The following OR1J2 variants were observed in gnomAD, a reference collection of about 807,000 sequenced individuals.
The protein encoded by OR1J2 is olfactory receptor 1J2.
For synonymous variants in OR1J2, 142 were observed against 99.7 expected, an observed-to-expected ratio of 1.42 and a Z score of -2.52; for missense variants, 304 against 246.1, an observed-to-expected ratio of 1.24 and a Z score of -1.57.
At chr9:122,563,361 G>A in the OR1J2 span, among the ~76,000 whole-genome samples, 25 of 152,098 alleles carry the variant, frequency 1.6e-4, no homozygotes, top group Non-Finnish European at 3.5e-4. Flanking sequence ...AATGATTAGT[G>A]ATACTGAGCA....
the OR1J2 span, among the ~76,000 whole-genome samples, chr9:122,465,379 A>C: frequency 1.3e-5 from 2 of 152,338 alleles, no homozygotes; most frequent in Non-Finnish European, 2.9e-5. Context: ...TCAAGAGATT[A>C]ATAAGCAGAA....
the OR1J2 span, among the ~76,000 whole-genome samples, chr9:122,454,276 G>A: frequency 6.6e-6 from 1 of 152,192 alleles, no homozygotes; most frequent in Non-Finnish European, 1.5e-5. Context: ...CCAGCACTTT[G>A]GGAGGCCGAG....
rs2119379934 is a variant in OR1J2 at position 122,511,197 on chromosome 9, C to T, written c.396C>T (p.Tyr132=). The T allele has an allele frequency of 1.4e-6, 1 of 734,068 alleles. No individual in the cohort carries two copies. The highest frequency in any genetic ancestry group is 1.5e-5 in the South Asian group (1 of 64,918). The allele number at this position is 734,068 out of a possible 1,614,324, so 45.5% of individuals were successfully genotyped here. The change falls in exon 1 of 1, where the codon TAC becomes TAT. Residue 132 remains tyrosine, a synonymous_variant. Transcript: ENST00000335302. ...TTGCCATATGTCACCCTCTCCACTA[C>T]ACTGTCATCATGAGGGAAGAGCTCT... ...RYVAICHPLH[Y]TVIMREELCV... is the part of the protein sequence containing the mutation.
At chr9:122,559,244 C>G in the OR1J2 span, among the ~76,000 whole-genome samples, 2 of 152,034 alleles carry the variant, frequency 1.3e-5, no homozygotes, top group Non-Finnish European at 2.9e-5. Context: ...CTATTTTACT[C>G]TCTACTTCTA....
At chr9:122,520,230 T>C in the OR1J2 span, 1 of 548,056 alleles carries the variant, frequency 1.8e-6, no homozygotes, top group Non-Finnish European at 3.1e-6. Flanking sequence ...TTTTCCTCTT[T>C]AGTGCAAATT....
the OR1J2 span, among the ~76,000 whole-genome samples, chr9:122,483,217 A>G: frequency 6.6e-6 from 1 of 152,198 alleles, no homozygotes; most frequent in East Asian, 1.9e-4. Flanking sequence ...AATATTTCTC[A>G]TAAAATTGAA....
At chr9:122,554,754 A>G in the OR1J2 span, among the ~76,000 whole-genome samples, 15 of 151,804 alleles carry the variant, frequency 9.9e-5, no homozygotes, top group Non-Finnish European at 2.1e-4. Flanking sequence ...AAGAATTAAT[A>G]TATGTTATGG....
upstream of OR1J2, among the ~76,000 whole-genome samples, chr9:122,506,127 A>T (rs1375129941): frequency 6.6e-6 from 1 of 152,194 alleles, no homozygotes; most frequent in African/African-American, 2.4e-5. Context: ...CCCAGCAGTC[A>T]TATGGATTTC....
the OR1J2 span, among the ~76,000 whole-genome samples, chr9:122,471,873 C>G: frequency 6.6e-6 from 1 of 152,286 alleles, no homozygotes; most frequent in African/African-American, 2.4e-5. Flanking sequence ...TAAAGATATA[C>G]TTGGGTTTGG....
chr9:122,461,858 G>C, the OR1J2 span, among the ~76,000 whole-genome samples: 13 of 152,264 alleles, frequency 8.5e-5, no homozygotes, highest in South Asian at 2.5e-3. Flanking sequence ...CTTGGAGAAT[G>C]TTCCATATGC....
chr9:122,550,197 G>T, the OR1J2 span, among the ~76,000 whole-genome samples: 45,680 of 151,824 alleles, frequency 0.3, 7,378 homozygotes, highest in East Asian at 0.54. Flanking sequence ...CGAAGATTGT[G>T]CCAGGAACAA....
At chr9:122,506,266 T>C (rs148907807), upstream of OR1J2, among the ~76,000 whole-genome samples, 2 of 152,116 alleles carry the variant, frequency 1.3e-5, no homozygotes, top group East Asian at 3.9e-4. Context: ...GATATTTTCT[T>C]TGTGTACTCA....
the OR1J2 span, among the ~76,000 whole-genome samples, chr9:122,558,881 G>A: frequency 4.0e-5 from 6 of 151,318 alleles, no homozygotes; most frequent in African/African-American, 9.7e-5. Context: ...CCCTTATAAT[G>A]TGGAAGTTTC....
At chr9:122,571,097 C>G in the OR1J2 span, among the ~76,000 whole-genome samples, 1 of 152,164 alleles carries the variant, frequency 6.6e-6, no homozygotes, top group Non-Finnish European at 1.5e-5. Context: ...CAGAATTACC[C>G]TCTTGCCACA....
the OR1J2 span, among the ~76,000 whole-genome samples, chr9:122,555,974 T>C: frequency 6.6e-6 from 1 of 152,238 alleles, no homozygotes; most frequent in African/African-American, 2.4e-5. Context: ...TTCATCATTA[T>C]AGTATCATAC....
chr9:122,452,073 T>C, the OR1J2 span, among the ~76,000 whole-genome samples: 1 of 152,066 alleles, frequency 6.6e-6, no homozygotes, highest in Admixed American at 6.6e-5. Context: ...AGAGACAGGG[T>C]TTCACCGTGT....
At chr9:122,448,920 A>G in the OR1J2 span, 1 of 149,080 alleles carries the variant, frequency 6.7e-6, no homozygotes, top group Non-Finnish European at 1.5e-5. Context: ...TTTCTTTTCC[A>G]TACACCCAGG....
At chr9:122,488,262 C>CA in the OR1J2 span, among the ~76,000 whole-genome samples, 4 of 152,168 alleles carry the variant, frequency 2.6e-5, no homozygotes, top group Non-Finnish European at 5.9e-5. Flanking sequence ...CTCAGCCTCC[C>CA]AAGTAACTGG....
upstream of OR1J2, among the ~76,000 whole-genome samples, chr9:122,510,107 TAACA>T (rs763929548): frequency 1.3e-5 from 2 of 152,120 alleles, no homozygotes; most frequent in African/African-American, 4.8e-5. Context: ...TTTACCTGTG[TAACA>T]AACCTGCACG....
Sources: allele counts gnomAD v4.1 joint callset (sites outside exome capture counted in the v4.1 genomes callset), GRCh38; gene constraint gnomAD v4.1.1; transcripts MANE v1.5; gene names NCBI Gene and HGNC (gene_info 2026-07-23, HGNC 2026-07-21).